The following CNTNAP2 variants were observed in gnomAD, a reference collection of about 807,000 sequenced individuals.
CNTNAP2 encodes the protein contactin associated protein 2.
A neutral mutation model predicts 155.2 loss-of-function variants in CNTNAP2; 98 were observed. That is an observed-to-expected ratio of 0.63 (90% CI 0.54 to 0.75). The LOEUF (loss-of-function observed/expected upper bound fraction) is 0.75, where lower values mean the gene tolerates loss of function less well. CNTNAP2 is among the 30% of genes least tolerant of loss of function. The probability of loss-of-function intolerance (pLI) is 0.00; values close to 1 mark genes in which losing one functional copy is unlikely to be tolerated. For missense variants in CNTNAP2, 1,727 were observed against 1,688.1 expected (o/e 1.02, Z -0.40); for synonymous variants, 651 against 631.2 (o/e 1.03, Z -0.47).
At chr7:147,158,923 T>C (rs1186552288) in intron 8 of CNTNAP2, among the ~76,000 whole-genome samples, 1 of 152,108 alleles carries the variant, frequency 6.6e-6, no homozygotes, top group Non-Finnish European at 1.5e-5. Context: ...ATAAAATCCA[T>C]AAAACTGATG....
chr7:148,209,371 C>T (rs1023592311), intron 18 of CNTNAP2, among the ~76,000 whole-genome samples: 2 of 150,392 alleles, frequency 1.3e-5, no homozygotes, highest in Non-Finnish European at 3.0e-5. Context: ...AGGGCTCAAG[C>T]GACCCTCCTG....
At chr7:147,985,148 A>AAATAAAAG (rs148373501) in intron 15 of CNTNAP2, among the ~76,000 whole-genome samples, 7,245 of 151,370 alleles carry the variant, frequency 0.048, 329 homozygotes, top group African/African-American at 0.12. Context: ...ATAAATAAAT[A>AAATAAAAG]ACTATTTACA....
chr7:146,341,784 G>A (rs1794734008), intron 1 of CNTNAP2, among the ~76,000 whole-genome samples: 1 of 151,980 alleles, frequency 6.6e-6, no homozygotes, highest in Admixed American at 6.6e-5. Flanking sequence ...TTCCTTTTAG[G>A]GTATTACATG....
intron 10 of CNTNAP2, among the ~76,000 whole-genome samples, chr7:147,405,588 A>G (rs1373828366): frequency 6.6e-6 from 1 of 152,200 alleles, no homozygotes; most frequent in African/African-American, 2.4e-5. Flanking sequence ...TGCATATGCA[A>G]GTCATACTTG....
At chr7:146,120,034 A>T (rs886332187) in intron 1 of CNTNAP2, among the ~76,000 whole-genome samples, 9 of 151,892 alleles carry the variant, frequency 5.9e-5, no homozygotes, top group African/African-American at 2.2e-4. Context: ...CCATTCAAGG[A>T]ATTTAAGTTG....
At position 146,826,289 on chromosome 7, in the gene CNTNAP2, G is replaced by T. The variant is rs9969182; in HGVS notation, c.209-13422G>T. Among the ~76,000 whole-genome samples the T allele has an allele frequency of 3.8e-3, 579 of 152,210 alleles. 6 individuals carry two copies. Among genetic ancestry groups the T allele is most frequent in the African/African-American group, 0.013 (555 of 41,546 alleles). On this transcript the variant is annotated intron_variant, in intron 2 of 23. Transcript: ENST00000361727. ...TTTTTTGCACAAAATGCTAGATAGA[G>T]ACTAGGATTTGAGAATCTATTTTTA... is the stretch of plus-strand genomic sequence containing the variant.
intron 15 of CNTNAP2, among the ~76,000 whole-genome samples, chr7:147,996,423 A>C (rs191915590): frequency 2.0e-5 from 3 of 152,234 alleles, no homozygotes; most frequent in Non-Finnish European, 4.4e-5. Flanking sequence ...TGACAGGGAA[A>C]GTGTAGAAAC....
Position 146,558,392 on chromosome 7 carries a change from G to C in CNTNAP2, c.98-215879G>C, listed in dbSNP as rs144976362. ...AGCATAGCTGATGGATTATAAGAAC[G>C]ACATCTGGCATGTACTTTTTTTTTA... On this transcript the variant is annotated intron_variant, in intron 1 of 23. Coordinates refer to ENST00000361727, the MANE Select transcript of CNTNAP2 (RefSeq NM_014141.6). Among the ~76,000 whole-genome samples, 698 of 152,158 alleles carry C rather than the reference G, an allele frequency of 4.6e-3. 5 individuals are homozygous for C. The highest frequency in any genetic ancestry group is 0.016 in the African/African-American group (652 of 41,518).
At chr7:146,974,684 A>G (rs1797873028) in intron 3 of CNTNAP2, among the ~76,000 whole-genome samples, 1 of 152,184 alleles carries the variant, frequency 6.6e-6, no homozygotes, top group African/African-American at 2.4e-5. Context: ...TTGCAAAATA[A>G]AAGAATGACT....
At chr7:148,043,612 T>C (rs1343758373) in intron 15 of CNTNAP2, among the ~76,000 whole-genome samples, 1 of 152,236 alleles carries the variant, frequency 6.6e-6, no homozygotes, top group East Asian at 1.9e-4. Flanking sequence ...TCTGAACTTT[T>C]CTATTTCTCT....
At chr7:147,990,789 G>A (rs4726902) in intron 15 of CNTNAP2, among the ~76,000 whole-genome samples, 31,761 of 152,018 alleles carry the variant, frequency 0.21, 3,731 homozygotes, top group East Asian at 0.32. Context: ...AACCAGTGAC[G>A]CTCACCCAGG....
chr7:146,396,112 A>T (rs1051968141), intron 1 of CNTNAP2, among the ~76,000 whole-genome samples: 2 of 152,154 alleles, frequency 1.3e-5, no homozygotes, highest in Non-Finnish European at 2.9e-5. Context: ...TCATTTCTTA[A>T]AATATACTAC....
chr7:148,058,505 A>G (rs189467527), intron 15 of CNTNAP2, among the ~76,000 whole-genome samples: 1 of 152,136 alleles, frequency 6.6e-6, no homozygotes, highest in Non-Finnish European at 1.5e-5. Flanking sequence ...AGTATAATTC[A>G]TGTGGCAATA....
intron 8 of CNTNAP2, among the ~76,000 whole-genome samples, chr7:147,171,905 A>G (rs1373452942): frequency 2.0e-5 from 3 of 152,180 alleles, no homozygotes; most frequent in Admixed American, 6.5e-5. Context: ...GTTCTATGAA[A>G]AAAACGAGAA....
At chr7:146,568,562 T>A (rs940133283) in intron 1 of CNTNAP2, among the ~76,000 whole-genome samples, 8 of 152,342 alleles carry the variant, frequency 5.3e-5, no homozygotes, top group Admixed American at 5.2e-4. Flanking sequence ...TATGTTCTAC[T>A]CTAAATTATG....
At chr7:148,375,428 C>T (rs982892317) in intron 21 of CNTNAP2, among the ~76,000 whole-genome samples, 6 of 149,958 alleles carry the variant, frequency 4.0e-5, no homozygotes, top group African/African-American at 9.7e-5. Flanking sequence ...GCCGTGATCT[C>T]GGCTCACTGC....
intron 16 of CNTNAP2, among the ~76,000 whole-genome samples, chr7:148,143,047 G>T (rs1457383914): frequency 6.6e-6 from 1 of 152,112 alleles, no homozygotes; most frequent in Non-Finnish European, 1.5e-5. Context: ...TCCCTGTAAT[G>T]ATTCAGTATC....
chr7:147,072,411 G>A (rs970887153), intron 4 of CNTNAP2, among the ~76,000 whole-genome samples: 4 of 152,182 alleles, frequency 2.6e-5, no homozygotes, highest in African/African-American at 7.2e-5. Context: ...GATGGACATG[G>A]AGGAAGCATA....
rs144571986 is a variant in CNTNAP2, at chr7:146,923,870, T to C, written c.402+83966T>C. 4.6e-5 allele frequency among the ~76,000 whole-genome samples: 7 copies of C among 152,206 alleles called. No homozygotes were observed. In the East Asian group the frequency reaches 1.4e-3, roughly 29 times the overall value. Reference sequence around the variant, plus strand: ...CAGTATCACCTGGGACTTGTTAGAATTGAATATTCCTGGGACCTATCCCAG... The same window carrying C: ...CAGTATCACCTGGGACTTGTTAGAACTGAATATTCCTGGGACCTATCCCAG... On this transcript the variant is annotated intron_variant, in intron 3 of 23. Coordinates refer to ENST00000361727, the MANE Select transcript of CNTNAP2 (RefSeq NM_014141.6).
Sources: gnomAD v4.1 joint callset for allele counts (sites outside exome capture counted in the v4.1 genomes callset) on GRCh38, gnomAD v4.1.1 for gene constraint, MANE v1.5 for transcripts, NCBI Gene and HGNC (gene_info 2026-07-23, HGNC 2026-07-21) for gene names.